The following RNF26 variants were observed in gnomAD, a reference collection of about 807,000 sequenced individuals.
RNF26 encodes the protein E3 ubiquitin-protein ligase RNF26.
A neutral mutation model predicts 25.4 loss-of-function variants in RNF26; 8 were observed. That is an observed-to-expected ratio of 0.31 (90% CI 0.18 to 0.57). The LOEUF is 0.57. RNF26 is among the 20% of genes least tolerant of loss of function. The pLI, the probability that RNF26 is intolerant of heterozygous loss-of-function variation, is 0.90. For synonymous variants in RNF26, 262 were observed against 246.7 expected, an observed-to-expected ratio of 1.06 and a Z score of -0.58; for missense variants, 470 against 552.0, an observed-to-expected ratio of 0.85 and a Z score of 1.49.
In RNF26 at chr11:119,335,171, G is replaced by A. The variant is rs772494458; in HGVS notation, c.49G>A (p.Val17Met). Residue 17 changes from valine (V) to methionine (M), a missense_variant, in exon 1 of 1, where the codon GTG (valine) becomes ATG (methionine). Val to Met is a conservative substitution (Grantham distance 21). Coordinates refer to ENST00000311413, the MANE Select transcript of RNF26 (RefSeq NM_032015.5). ...VVNGLGLVLD[V>M]LTLVLDLNFL... ...GAATGGGTTGGGCCTGGTGCTGGACGTGCTGACCTTGGTGTTGGACCTCAA... is the reference window on the plus strand; with the variant it reads ...GAATGGGTTGGGCCTGGTGCTGGACATGCTGACCTTGGTGTTGGACCTCAA... The A allele has an allele frequency of 9.9e-6, 16 of 1,613,982 alleles. No homozygotes were observed. The highest frequency in any genetic ancestry group is 1.7e-5 in the Admixed American group (1 of 60,002).
rs750334685 is a variant in RNF26 at position 119,335,668 on chromosome 11, C to T, written c.546C>T (p.Asp182=). ...CCGGGCCTCTGTGGAGGATGACGGA[C>T]GTAGTGGCTGCCTTCCTAGCCCACA... is the stretch of plus-strand genomic sequence containing the variant. ...AVTGPLWRMT[D]VVAAFLAHIS... The change falls in exon 1 of 1, where the codon GAC becomes GAT. Residue 182 remains aspartate, a synonymous_variant. Transcript: ENST00000311413. 2.0e-5 allele frequency: 32 copies of T among 1,613,896 alleles called. No homozygotes were observed. The highest frequency in any genetic ancestry group is 6.7e-5 in the East Asian group (3 of 44,898).
In RNF26 at chr11:119,336,035, G is replaced by A. The variant is rs200106607; in HGVS notation, c.913G>A (p.Gly305Arg). 7 of 1,613,778 alleles carry A rather than the reference G, an allele frequency of 4.3e-6. No individual in the cohort carries two copies. The African/African-American group carries it at 9.3e-5, about 21-fold the overall frequency. The change falls in exon 1 of 1, where the codon GGG becomes AGG. Residue 305 changes from glycine to arginine, a missense_variant. Physicochemically the swap from Gly to Arg is moderately radical, Grantham distance 125. Transcript: ENST00000311413. ...LQLASWPNRG[G>R]APGAPQGDPM... The stretch of plus-strand genomic sequence containing the variant: ...GCTGGCGAGTTGGCCAAACCGGGGA[G>A]GGGCACCTGGAGCTCCCCAGGGTGA...
Position 119,335,209 on chromosome 11 carries a change from G to A in RNF26, c.87G>A (p.Val29=). 6.2e-7 allele frequency: 1 copy of A among 1,614,170 alleles called. No homozygotes were observed. Among genetic ancestry groups the A allele is most frequent in the South Asian group, 1.1e-5 (1 of 91,076 alleles). The change falls in exon 1 of 1, where the codon GTG becomes GTA. Residue 29 remains valine, a synonymous_variant. Transcript: ENST00000311413. ...TGTTGGACCTCAACTTCCTGCTGGTGTCCTCCCTCCTGGCTTCCCTGGCCT... is the reference window on the plus strand; with the variant it reads ...TGTTGGACCTCAACTTCCTGCTGGTATCCTCCCTCCTGGCTTCCCTGGCCT... The part of the protein sequence containing the change: ...TLVLDLNFLL[V]SSLLASLAWL...
rs776771535 is a variant in RNF26 at position 119,335,927 on chromosome 11, C to T, written c.805C>T (p.Arg269Cys). 8 of 1,610,508 alleles carry T rather than the reference C, an allele frequency of 5.0e-6. No homozygotes were observed. The highest frequency in any genetic ancestry group is 1.1e-5 in the South Asian group (1 of 91,090). ...SQLHARPSYHRLREDVMRLSR... is the reference protein window; with the variant it reads ...SQLHARPSYHCLREDVMRLSR... Reference sequence around the variant, plus strand: ...GCTCCATGCCCGGCCATCCTACCACCGTCTTCGAGAGGATGTCATGCGGCT... The same window carrying T: ...GCTCCATGCCCGGCCATCCTACCACTGTCTTCGAGAGGATGTCATGCGGCT... The change falls in exon 1 of 1, where the codon CGT (arginine) becomes TGT (cysteine). Residue 269 changes from arginine (R) to cysteine (C), a missense_variant. By Grantham distance (180) the Arg-to-Cys change is radical (BLOSUM62 -3). Coordinates refer to ENST00000311413, the MANE Select transcript of RNF26 (RefSeq NM_032015.5).
chr11:119,334,963 G>T lies in RNF26; in HGVS notation c.-160G>T. 2 of 621,604 alleles carry T rather than the reference G, an allele frequency of 3.2e-6. No homozygotes were observed. Among genetic ancestry groups the T allele is most frequent in the Non-Finnish European group, 5.7e-6 (2 of 353,900 alleles). 38.5% of individuals were successfully genotyped at this position (621,604 alleles called of 1,614,324 possible). On this transcript the variant is annotated 5_prime_UTR_variant, in exon 1 of 1. Transcript: ENST00000311413. ...TTCCCTCTACCAAGACTCCACTTCC[G>T]TCTTACCCACTTCTTCCTCAGATTC...
chr11:119,335,314 A>G lies in RNF26; in HGVS notation c.192A>G (p.Ser64=). 6.2e-7 allele frequency: 1 copy of G among 1,614,086 alleles called. No homozygotes were observed. Among genetic ancestry groups the G allele is most frequent in the Non-Finnish European group, 8.5e-7 (1 of 1,180,026 alleles). Residue 64 remains serine (S), a synonymous_variant, in exon 1 of 1, where the codon TCA becomes TCG. Coordinates refer to ENST00000311413, the MANE Select transcript of RNF26 (RefSeq NM_032015.5). The part of the protein sequence containing the change: ...LLHLGRGVLL[S]LLALIEAVVR... ...ACTTGGGCCGCGGAGTCTTGCTTTC[A>G]TTGCTGGCCTTGATCGAAGCCGTGG...
At position 119,335,253 on chromosome 11, in the gene RNF26, A is replaced by G. The variant is rs749255544; in HGVS notation, c.131A>G (p.Tyr44Cys). 7.4e-6 allele frequency: 12 copies of G among 1,614,034 alleles called. No individual in the cohort carries two copies. The South Asian group carries it at 1.2e-4, about 16-fold the overall frequency. Residue 44 changes from tyrosine (Y) to cysteine (C), a missense_variant, in exon 1 of 1, where the codon TAC becomes TGC. Physicochemically the swap from Tyr to Cys is radical, Grantham distance 194 (BLOSUM62 -2). Coordinates refer to ENST00000311413, the MANE Select transcript of RNF26 (RefSeq NM_032015.5). Reference sequence around the variant, plus strand: ...CTGGCCTGGCTCCTGGCCTTCGTCTACAACCTGCCGCACACGGTACTGACT... The same window carrying G: ...CTGGCCTGGCTCCTGGCCTTCGTCTGCAACCTGCCGCACACGGTACTGACT... ...ASLAWLLAFV[Y>C]NLPHTVLTSL...
In RNF26 at chr11:119,336,537, C is replaced by A; in HGVS notation, c.*113C>A. 1 of 854,406 alleles carries A rather than the reference C, an allele frequency of 1.2e-6. No homozygotes were observed. The highest frequency in any genetic ancestry group is 1.8e-6 in the Non-Finnish European group (1 of 544,900). The allele number at this position is 854,406 out of a possible 1,614,324, so 52.9% of individuals were successfully genotyped here. On this transcript the variant is annotated 3_prime_UTR_variant, in exon 1 of 1. Coordinates refer to ENST00000311413, the MANE Select transcript of RNF26 (RefSeq NM_032015.5). ...TCTGAATCCCCTCCTACCCCTGTGG[C>A]CATCCTGCCATACATCCAGGACATT...
At position 119,335,862 on chromosome 11, in the gene RNF26, C is replaced by G; in HGVS notation, c.740C>G (p.Pro247Arg). 8.7e-6 allele frequency: 14 copies of G among 1,609,962 alleles called. No individual in the cohort carries two copies. Among genetic ancestry groups the G allele is most frequent in the Non-Finnish European group, 1.2e-5 (14 of 1,180,012 alleles). ...GCAGTGACGGTGACTGTGTTGCATC[C>G]GGACTTCACCCTGAGGCTGGCTACC... ...VLAVTVTVLH[P>R]DFTLRLATQA... Residue 247 changes from proline (P) to arginine (R), a missense_variant, in exon 1 of 1, where the codon CCG becomes CGG. Pro to Arg is a moderately radical substitution (Grantham distance 103). Transcript: ENST00000311413.
Position 119,335,804 on chromosome 11 carries a change from C to T in RNF26, c.682C>T (p.Leu228Phe), listed in dbSNP as rs776002463. Residue 228 changes from leucine (L) to phenylalanine (F), a missense_variant, in exon 1 of 1, where the codon CTC (leucine) becomes TTC (phenylalanine). Coordinates refer to ENST00000311413, the MANE Select transcript of RNF26 (RefSeq NM_032015.5). ...CCTGGCCAGCTTTGTGCTTGTCAAT[C>T]TCACTGGCTTGGTGTTGCTAGCTTG... is the stretch of plus-strand genomic sequence containing the variant. ...RLLASFVLVNLTGLVLLACVL... is the reference protein window; with the variant it reads ...RLLASFVLVNFTGLVLLACVL... 6.2e-7 allele frequency: 1 copy of T among 1,613,536 alleles called. No individual in the cohort carries two copies. The highest frequency in any genetic ancestry group is 2.2e-5 in the East Asian group (1 of 44,884).
chr11:119,335,986 C>A lies in RNF26; in HGVS notation c.864C>A (p.Arg288=). Residue 288 remains arginine, a synonymous_variant, in exon 1 of 1, where the codon CGC becomes CGA. Coordinates refer to ENST00000311413, the MANE Select transcript of RNF26 (RefSeq NM_032015.5). ...SRLALGSEAW[R]RVWSRSLQLA... ...TAGCACTGGGCTCAGAGGCCTGGCG[C>A]CGAGTCTGGAGCCGCAGTCTGCAGC... is the stretch of plus-strand genomic sequence containing the variant. The A allele has an allele frequency of 3.1e-6, 5 of 1,612,808 alleles. No individual in the cohort carries two copies. Among genetic ancestry groups the A allele is most frequent in the South Asian group, 1.1e-5 (1 of 91,088 alleles).
chr11:119,335,691 A>G lies in RNF26; in HGVS notation c.569A>G (p.His190Arg). 2 of 1,614,176 alleles carry G rather than the reference A, an allele frequency of 1.2e-6. No homozygotes were observed. Among genetic ancestry groups the G allele is most frequent in the Non-Finnish European group, 1.7e-6 (2 of 1,180,012 alleles). The change falls in exon 1 of 1, where the codon CAC becomes CGC. Residue 190 changes from histidine to arginine, a missense_variant. Coordinates refer to ENST00000311413, the MANE Select transcript of RNF26 (RefSeq NM_032015.5). ...MTDVVAAFLA[H>R]ISSSAVAMAI... ...GACGTAGTGGCTGCCTTCCTAGCCC[A>G]CATTTCCAGCAGTGCTGTGGCCATG...
Position 119,335,219 on chromosome 11 carries a change from C to G in RNF26, c.97C>G (p.Leu33Val), listed in dbSNP as rs1950433095. The G allele has an allele frequency of 1.2e-6, 2 of 1,614,086 alleles. No homozygotes were observed. The highest frequency in any genetic ancestry group is 2.7e-5 in the African/African-American group (2 of 74,924). ...DLNFLLVSSLLASLAWLLAFV... is the reference protein window; with the variant it reads ...DLNFLLVSSLVASLAWLLAFV... Reference sequence around the variant, plus strand: ...CAACTTCCTGCTGGTGTCCTCCCTCCTGGCTTCCCTGGCCTGGCTCCTGGC... The same window carrying G: ...CAACTTCCTGCTGGTGTCCTCCCTCGTGGCTTCCCTGGCCTGGCTCCTGGC... Residue 33 changes from leucine to valine, a missense_variant, in exon 1 of 1, where the codon CTG becomes GTG. By Grantham distance (32) the Leu-to-Val change is conservative (BLOSUM62 1). Coordinates refer to ENST00000311413, the MANE Select transcript of RNF26 (RefSeq NM_032015.5).
chr11:119,335,945 A>C lies in RNF26; in HGVS notation c.823A>C (p.Met275Leu), dbSNP rs1477596957. The C allele has an allele frequency of 1.2e-6, 2 of 1,611,282 alleles. No homozygotes were observed. Among genetic ancestry groups the C allele is most frequent in the Non-Finnish European group, 1.7e-6 (2 of 1,180,008 alleles). Residue 275 changes from methionine to leucine, a missense_variant, in exon 1 of 1, where the codon ATG becomes CTG. Physicochemically the swap from Met to Leu is conservative, Grantham distance 15. Transcript: ENST00000311413. Reference protein sequence around the residue: ...PSYHRLREDVMRLSRLALGSE... With the variant: ...PSYHRLREDVLRLSRLALGSE... ...CTACCACCGTCTTCGAGAGGATGTC[A>C]TGCGGCTCTCTCGCCTAGCACTGGG...
rs1950434199 is a variant in RNF26, at chr11:119,335,396, T to C, written c.274T>C (p.Ser92Pro). The C allele has an allele frequency of 6.2e-7, 1 of 1,614,036 alleles. No individual in the cohort carries two copies. Among genetic ancestry groups the C allele is most frequent in the Non-Finnish European group, 8.5e-7 (1 of 1,180,046 alleles). ...GTGTACTCTGCTGTATAGCTGCTGC[T>C]CTGGCCTAGAGAGCCTAAAGCTCCT... ...ALCTLLYSCC[S>P]GLESLKLLGH... is the part of the protein sequence containing the mutation. The change falls in exon 1 of 1, where the codon TCT becomes CCT. Residue 92 changes from serine to proline, a missense_variant. Transcript: ENST00000311413.
At position 119,336,468 on chromosome 11, in the gene RNF26, C is replaced by A; in HGVS notation, c.*44C>A. On this transcript the variant is annotated 3_prime_UTR_variant, in exon 1 of 1. Transcript: ENST00000311413. ...CCCACCCCTCCATGCTCCACGCAGG[C>A]ACTCACGCTAGGACAGCATTAACAC... The A allele has an allele frequency of 6.5e-7, 1 of 1,544,154 alleles. No individual in the cohort carries two copies. The highest frequency in any genetic ancestry group is 1.2e-5 in the South Asian group (1 of 84,724).
rs527642891 is a variant in RNF26 at position 119,335,383 on chromosome 11, G to C, written c.261G>C (p.Leu87=). The change falls in exon 1 of 1, where the codon CTG becomes CTC. Residue 87 remains leucine, a synonymous_variant. Transcript: ENST00000311413. ...CGGLQALCTL[L]YSCCSGLESL... ...GCTTGCAGGCCTTGTGTACTCTGCTGTATAGCTGCTGCTCTGGCCTAGAGA... is the reference window on the plus strand; with the variant it reads ...GCTTGCAGGCCTTGTGTACTCTGCTCTATAGCTGCTGCTCTGGCCTAGAGA... The C allele has an allele frequency of 6.2e-7, 1 of 1,614,180 alleles. No homozygotes were observed. Among genetic ancestry groups the C allele is most frequent in the East Asian group, 2.2e-5 (1 of 44,872 alleles).
rs145184099 is a variant in RNF26 at position 119,336,368 on chromosome 11, C to T, written c.1246C>T (p.Arg416Cys). Reference protein sequence around the residue: ...EILMRHPVYHRNCPLCRRGIL... With the variant: ...EILMRHPVYHCNCPLCRRGIL... The stretch of plus-strand genomic sequence containing the variant: ...CCTGATGCGCCACCCCGTCTACCAC[C>T]GCAATTGCCCGCTCTGCCGCCGGGG... The change falls in exon 1 of 1, where the codon CGC (arginine) becomes TGC (cysteine). Residue 416 changes from arginine (R) to cysteine (C), a missense_variant. By Grantham distance (180) the Arg-to-Cys change is radical. Transcript: ENST00000311413. The T allele has an allele frequency of 1.1e-5, 17 of 1,611,660 alleles. No individual in the cohort carries two copies. The African/African-American group carries it at 1.3e-4, about 13-fold the overall frequency.
In RNF26 at chr11:119,337,197, C is replaced by T. The variant is rs1837763913; in HGVS notation, c.*773C>T. Reference sequence around the variant, plus strand: ...CTCTCCCTGGCATGGAGAGGGCAGACTGTGCACATTTCACTAGGGTCCAAA... The same window carrying T: ...CTCTCCCTGGCATGGAGAGGGCAGATTGTGCACATTTCACTAGGGTCCAAA... On this transcript the variant is annotated 3_prime_UTR_variant, in exon 1 of 1. Transcript: ENST00000311413. The T allele has an allele frequency of 5.9e-6, 1 of 169,380 alleles. No homozygotes were observed. The highest frequency in any genetic ancestry group is 1.5e-5 in the Non-Finnish European group (1 of 68,378). 10.5% of individuals were successfully genotyped at this position (169,380 alleles called of 1,614,324 possible).
Sources: gnomAD v4.1 joint callset for allele counts on GRCh38, gnomAD v4.1.1 for gene constraint, MANE v1.5 for transcripts, NCBI Gene and HGNC (gene_info 2026-07-23, HGNC 2026-07-21) for gene names.